Variants in BOC observed in about 807,000 individuals in gnomAD.
The protein encoded by BOC is BOC cell adhesion associated, oncogene regulated.
In BOC, 76 loss-of-function variants were observed where a neutral mutation model predicts 112.0. The observed-to-expected ratio is 0.68, with a 90% confidence interval of 0.56 to 0.82. The LOEUF (loss-of-function observed/expected upper bound fraction) is 0.82, where lower values mean the gene tolerates loss of function less well. BOC is among the 40% of genes least tolerant of loss of function. BOC has a pLI of 0.00. For missense variants in BOC, 1,309 were observed against 1,511.7 expected, an observed-to-expected ratio of 0.87 and a Z score of 2.22; for synonymous variants, 580 against 599.8, an observed-to-expected ratio of 0.97 and a Z score of 0.48.
chr3:113,211,807 C>G lies in BOC; in HGVS notation c.-379C>G, dbSNP rs1938192747. 1.3e-5 allele frequency: 2 copies of G among 152,946 alleles called. No individual in the cohort carries two copies. Among genetic ancestry groups the G allele is most frequent in the Non-Finnish European group, 2.9e-5 (2 of 68,680 alleles). 9.5% of individuals were successfully genotyped at this position (152,946 alleles called of 1,614,324 possible). On this transcript the variant is annotated 5_prime_UTR_variant, in exon 1 of 20. Transcript: ENST00000682979. Reference sequence around the variant, plus strand: ...TCACGCCCGCCACAGCCACAACACGCCCGCACGCGCCCTCCCTCTCCGGCC... The same window carrying G: ...TCACGCCCGCCACAGCCACAACACGGCCGCACGCGCCCTCCCTCTCCGGCC...
chr3:113,284,655 G>C, intron 17 of BOC, 88 bp downstream of exon 17: 1 of 1,521,634 alleles, frequency 6.6e-7, no homozygotes, highest in South Asian at 1.2e-5. Flanking sequence ...CCCTCCTAGG[G>C]TCTCAGGCTG....
chr3:113,222,447 C>T (rs1368386213), intron 2 of BOC, among the ~76,000 whole-genome samples: 1 of 152,068 alleles, frequency 6.6e-6, no homozygotes, highest in East Asian at 1.9e-4. Flanking sequence ...AGAGATGTCC[C>T]GAGAATGCTA....
chr3:113,243,244 G>A (rs924429873), intron 2 of BOC, among the ~76,000 whole-genome samples: 2 of 152,214 alleles, frequency 1.3e-5, no homozygotes, highest in Admixed American at 6.5e-5. Context: ...ATGCAAACAG[G>A]AAGAAAACAG....
At chr3:113,283,272 A>G (rs931164064) in intron 15 of BOC, 139 bp from the exon 16 acceptor site, 39 of 830,116 alleles carry the variant, frequency 4.7e-5, no homozygotes, top group Admixed American at 3.1e-4. Context: ...CACCATTCAA[A>G]TAAGAGATTT....
intron 12 of BOC, 109 bp downstream of exon 12, chr3:113,279,564 C>A: frequency 2.8e-6 from 3 of 1,072,996 alleles, no homozygotes; most frequent in Non-Finnish European, 4.0e-6. Flanking sequence ...AGGCCCCCAC[C>A]CACCAGCATG....
rs1189659068 is a variant in BOC, at chr3:113,272,492, G to A, written c.750G>A (p.Leu250=). The A allele has an allele frequency of 1.2e-6, 2 of 1,614,104 alleles. No individual in the cohort carries two copies. Among genetic ancestry groups the A allele is most frequent in the East Asian group, 2.2e-5 (1 of 44,856 alleles). ...IIVTKGQSLI[L]ECVASGIPPP... Reference sequence around the variant, plus strand: ...TCACCAAAGGCCAGAGTCTCATTCTGGAGTGTGTGGCCAGTGGAATCCCAC... The same window carrying A: ...TCACCAAAGGCCAGAGTCTCATTCTAGAGTGTGTGGCCAGTGGAATCCCAC... Residue 250 remains leucine, a synonymous_variant, in exon 7 of 20, where the codon CTG becomes CTA. Transcript: ENST00000682979.
At position 113,274,359 on chromosome 3, in the gene BOC, C is replaced by T. The variant is rs1336337647; in HGVS notation, c.1235-16C>T. ...AGGAGACTAACCTTTCCTTCTGCTTCCTGTTGGTCCTCCAGGCATAACCCC... is the reference window on the plus strand; with the variant it reads ...AGGAGACTAACCTTTCCTTCTGCTTTCTGTTGGTCCTCCAGGCATAACCCC... On this transcript the variant is annotated splice_polypyrimidine_tract_variant and intron_variant, in intron 8 of 19. Transcript: ENST00000682979. The surrounding 1 kb of genome is among the most constrained non-coding windows in gnomAD (Gnocchi z 4.8). The T allele has an allele frequency of 6.7e-7, 1 of 1,492,958 alleles. No homozygotes were observed. The allele number at this position is 1,492,958 out of a possible 1,614,324, so 92.5% of individuals were successfully genotyped here. A position where few individuals can be genotyped will look rare whatever the true frequency, so the allele number is the denominator to read the frequency against.
intron 7 of BOC, 46 bp from the exon 8 acceptor site, chr3:113,273,023 G>C (rs1488435139): frequency 6.4e-7 from 1 of 1,563,496 alleles, no homozygotes; most frequent in Admixed American, 1.7e-5. Context: ...CTGGCCCTGG[G>C]ACAGAAAGAC....
rs776403644 is a variant in BOC at position 113,287,094 on chromosome 3, A to C, written c.*232A>C. 96 of 555,364 alleles carry C rather than the reference A, an allele frequency of 1.7e-4. 1 individual carries two copies. The highest frequency in any genetic ancestry group is 1.7e-3 in the Middle Eastern group (6 of 3,562). The allele number at this position is 555,364 out of a possible 1,614,324, so 34.4% of individuals were successfully genotyped here. A position where few individuals can be genotyped will look rare whatever the true frequency, so the allele number is the denominator to read the frequency against. On this transcript the variant is annotated 3_prime_UTR_variant, in exon 20 of 20. Transcript: ENST00000682979. ...AGCTGCCACCTAACAGGAGTCACCC[A>C]GGAAAGCACCGCACAGGCTGGCGCG... is the stretch of plus-strand genomic sequence containing the variant.
At chr3:113,265,129 A>C (rs569125022) in intron 4 of BOC, among the ~76,000 whole-genome samples, 3 of 152,274 alleles carry the variant, frequency 2.0e-5, no homozygotes, top group Non-Finnish European at 4.4e-5. Flanking sequence ...AGTGTTTTCT[A>C]CCACTGGGTT....
At chr3:113,267,186 C>T (rs1947578441) in intron 4 of BOC, among the ~76,000 whole-genome samples, 1 of 152,154 alleles carries the variant, frequency 6.6e-6, no homozygotes, top group South Asian at 2.1e-4. Flanking sequence ...GTCTTATACT[C>T]CATTAGTTTT....
In BOC at chr3:113,286,719, A is replaced by G; in HGVS notation, c.3205A>G (p.Ser1069Gly). The change falls in exon 20 of 20, where the codon AGT becomes GGT. Residue 1069 changes from serine to glycine, a missense_variant. Transcript: ENST00000682979. ...CCTTGTGCCAGTTGAAGAGGTGGAC[A>G]GTCCTGACTCCTGCCAAGTGAGTGG... is the stretch of plus-strand genomic sequence containing the variant. ...LGLVPVEEVD[S>G]PDSCQVSGGD... 1 of 1,610,582 alleles carries G rather than the reference A, an allele frequency of 6.2e-7. No individual in the cohort carries two copies. Among genetic ancestry groups the G allele is most frequent in the Middle Eastern group, 1.7e-4 (1 of 6,046 alleles).
At chr3:113,237,241 G>A (rs191157672) in intron 2 of BOC, among the ~76,000 whole-genome samples, 16 of 152,332 alleles carry the variant, frequency 1.1e-4, no homozygotes, top group Admixed American at 6.5e-4. Context: ...GCAGCCAGCC[G>A]TGGGCTCAGC....
At position 113,286,767 on chromosome 3, in the gene BOC, C is replaced by T; in HGVS notation, c.3253C>T (p.Pro1085Ser). ...TGGAGGAGACTGGTGTCCCCAGCAC[C>T]CCGTAGGGGCCTACGTAGGACAGGA... is the stretch of plus-strand genomic sequence containing the variant. The part of the protein sequence containing the change: ...VSGGDWCPQH[P>S]VGAYVGQEPG... Residue 1085 changes from proline to serine, a missense_variant, in exon 20 of 20, where the codon CCC (proline) becomes TCC (serine). Physicochemically the swap from Pro to Ser is moderately conservative, Grantham distance 74. Transcript: ENST00000682979. 1 of 1,613,808 alleles carries T rather than the reference C, an allele frequency of 6.2e-7. No homozygotes were observed. Among genetic ancestry groups the T allele is most frequent in the Non-Finnish European group, 8.5e-7 (1 of 1,179,814 alleles).
intron 4 of BOC, among the ~76,000 whole-genome samples, chr3:113,255,779 C>T (rs891773824): frequency 1.5e-4 from 23 of 152,204 alleles, no homozygotes; most frequent in African/African-American, 5.1e-4. Flanking sequence ...CCCCTCGCCA[C>T]TCAACCTCAT....
intron 2 of BOC, among the ~76,000 whole-genome samples, chr3:113,217,761 G>GT (rs888754576): frequency 7.2e-4 from 109 of 151,892 alleles, no homozygotes; most frequent in African/African-American, 2.3e-3. Context: ...GTTCAGCATA[G>GT]TTTTTTTTTA....
intron 4 of BOC, among the ~76,000 whole-genome samples, chr3:113,257,724 A>G (rs914319014): frequency 6.6e-6 from 1 of 152,052 alleles, no homozygotes; most frequent in Non-Finnish European, 1.5e-5. Flanking sequence ...ACAATTAACA[A>G]TCTACCTCTT....
At chr3:113,285,643 C>T (rs1949613205) in intron 19 of BOC, 78 bp downstream of exon 19, 9 of 1,360,146 alleles carry the variant, frequency 6.6e-6, no homozygotes, top group Middle Eastern at 3.8e-4. Flanking sequence ...CCAGTAGTAA[C>T]AGTCTTCAAA....
chr3:113,254,570 C>T (rs1244221535), intron 4 of BOC, among the ~76,000 whole-genome samples: 2 of 152,182 alleles, frequency 1.3e-5, no homozygotes, highest in African/African-American at 4.8e-5. Context: ...AAGTGGTAGA[C>T]GGGATTACCG....
Sources: allele counts gnomAD v4.1 joint callset (sites outside exome capture counted in the v4.1 genomes callset), GRCh38; gene constraint gnomAD v4.1.1; non-coding constraint Gnocchi (gnomAD v3.1); transcripts MANE v1.5; gene names NCBI Gene and HGNC (gene_info 2026-07-23, HGNC 2026-07-21).